The following DPYD variants were observed in gnomAD, a reference collection of about 807,000 sequenced individuals.
The protein encoded by DPYD is dihydropyrimidine dehydrogenase [NADP(+)].
In DPYD, 109 loss-of-function variants were observed where a neutral mutation model predicts 116.2. The ratio of observed to expected loss-of-function variants is 0.94; its 90% confidence interval spans 0.80 to 1.10. DPYD has a LOEUF of 1.10. Ranked by LOEUF, DPYD falls within the 50% of genes least tolerant of loss-of-function variation. The pLI is 0.00. For synonymous variants in DPYD, 440 were observed against 432.0 expected (o/e 1.02, Z -0.23); for missense variants, 1,302 against 1,254.5 (o/e 1.04, Z -0.57).
chr1:97,583,520 T>C (rs1653847378), intron 10 of DPYD, among the ~76,000 whole-genome samples: 2 of 152,132 alleles, frequency 1.3e-5, no homozygotes, highest in African/African-American at 4.8e-5. Context: ...CCTCCTTTAA[T>C]CTTAAAATGC....
At chr1:97,443,695 C>T (rs6666920) in intron 14 of DPYD, among the ~76,000 whole-genome samples, 146,662 of 152,368 alleles carry the variant, frequency 0.96, 70,855 homozygotes, top group East Asian at 1. Flanking sequence ...AATTATCTTG[C>T]ACTAGCCATT....
chr1:97,838,316 T>C (rs937807522), intron 2 of DPYD, among the ~76,000 whole-genome samples: 3 of 152,186 alleles, frequency 2.0e-5, no homozygotes, highest in Non-Finnish European at 2.9e-5. Context: ...ATAAACCATA[T>C]AAATCCAGAT....
chr1:97,454,825 A>G (rs779183628), intron 13 of DPYD, among the ~76,000 whole-genome samples: 22 of 151,940 alleles, frequency 1.4e-4, no homozygotes, highest in Non-Finnish European at 2.8e-4. Context: ...ATGAACACAA[A>G]AAGAAAACTT....
At chr1:97,334,715 T>A (rs1669196571) in intron 16 of DPYD, among the ~76,000 whole-genome samples, 1 of 152,182 alleles carries the variant, frequency 6.6e-6, no homozygotes, top group African/African-American at 2.4e-5. Context: ...GACCACATAG[T>A]AGGAGCTCAA....
At position 97,312,655 on chromosome 1, in the gene DPYD, C is replaced by A. The variant is rs182725887; in HGVS notation, c.2059-6358G>T. 2.4e-4 allele frequency among the ~76,000 whole-genome samples: 36 copies of A among 151,938 alleles called. 1 individual carries two copies. Among genetic ancestry groups the A allele is most frequent in the Middle Eastern group, 3.4e-3 (1 of 294 alleles). ...CAAAAGCAAGACACAGAATAACACA[C>A]AGATAGCCTAATCCTGTTTTTAAAA... On this transcript the variant is annotated intron_variant, in intron 16 of 22. Transcript: ENST00000370192.
chr1:97,264,107 T>C (rs1236722432), intron 18 of DPYD, among the ~76,000 whole-genome samples: 1 of 151,246 alleles, frequency 6.6e-6, no homozygotes. Context: ...TAGATTCTTT[T>C]GGTTACCTAC....
intron 8 of DPYD, among the ~76,000 whole-genome samples, chr1:97,620,225 A>T (rs888504618): frequency 7.9e-5 from 12 of 151,974 alleles, no homozygotes; most frequent in South Asian, 4.1e-4. Context: ...TTTAAAAAAA[A>T]TTTTTTTGAG....
At chr1:97,538,273 C>T (rs1013907776) in intron 12 of DPYD, among the ~76,000 whole-genome samples, 3 of 152,074 alleles carry the variant, frequency 2.0e-5, no homozygotes, top group Non-Finnish European at 4.4e-5. Flanking sequence ...AAACCAAAAC[C>T]ACAGCTACCA....
intron 20 of DPYD, among the ~76,000 whole-genome samples, chr1:97,130,646 T>TTCCTC (rs1401250583): frequency 2.6e-5 from 4 of 151,990 alleles, no homozygotes; most frequent in Admixed American, 2.0e-4. Flanking sequence ...TTCCTTTCCT[T>TTCCTC]TCCTCTCCTC....
intron 19 of DPYD, among the ~76,000 whole-genome samples, chr1:97,211,476 T>C (rs538692548): frequency 6.6e-6 from 1 of 152,280 alleles, no homozygotes; most frequent in Non-Finnish European, 1.5e-5. Flanking sequence ...GCTGAATGAA[T>C]AGAAATTATG....
chr1:97,447,472 G>A (rs1676152582), intron 14 of DPYD, among the ~76,000 whole-genome samples: 1 of 152,012 alleles, frequency 6.6e-6, no homozygotes. Context: ...CCATTTTAAT[G>A]GTATTTAAAA....
intron 7 of DPYD, among the ~76,000 whole-genome samples, chr1:97,685,395 G>T (rs1458158500): frequency 6.6e-6 from 1 of 152,066 alleles, no homozygotes; most frequent in Non-Finnish European, 1.5e-5. Context: ...CATACCAAAT[G>T]GGCAAAAGCT....
intron 8 of DPYD, among the ~76,000 whole-genome samples, chr1:97,636,155 C>G (rs1456755377): frequency 1.3e-5 from 2 of 152,200 alleles, no homozygotes; most frequent in East Asian, 3.9e-4. Context: ...AAAAAAATCA[C>G]TAAGCCAGGC....
intron 18 of DPYD, among the ~76,000 whole-genome samples, chr1:97,295,161 G>A (rs572055590): frequency 1.2e-4 from 19 of 152,220 alleles, no homozygotes; most frequent in African/African-American, 3.6e-4. Flanking sequence ...GAGTCTCTAA[G>A]TCTGCAGAAT....
intron 20 of DPYD, among the ~76,000 whole-genome samples, chr1:97,147,723 A>G (rs1486102983): frequency 6.6e-6 from 1 of 152,180 alleles, no homozygotes; most frequent in African/African-American, 2.4e-5. Context: ...AATCTTCTCA[A>G]TGTCCTCTAC....
intron 20 of DPYD, among the ~76,000 whole-genome samples, chr1:97,114,960 G>A (rs780893963): frequency 2.6e-5 from 4 of 152,062 alleles, no homozygotes; most frequent in Admixed American, 1.3e-4. Context: ...CCTTCTGATC[G>A]CATAGGATTT....
chr1:97,330,647 G>A (rs1378760918), intron 16 of DPYD, among the ~76,000 whole-genome samples: 1 of 152,170 alleles, frequency 6.6e-6, no homozygotes, highest in Non-Finnish European at 1.5e-5. Flanking sequence ...AAGGGATGAG[G>A]GGGTAGAGAG....
chr1:97,156,878 CAAT>C (rs1219143536), intron 20 of DPYD, among the ~76,000 whole-genome samples: 2 of 151,742 alleles, frequency 1.3e-5, no homozygotes, highest in African/African-American at 4.8e-5. Flanking sequence ...AAATGTCCAA[CAAT>C]GATAGACTGG....
chr1:97,829,923 A>G (rs1309446596), intron 2 of DPYD, among the ~76,000 whole-genome samples: 1 of 150,278 alleles, frequency 6.7e-6, no homozygotes, highest in Non-Finnish European at 1.5e-5. Context: ...GACAGGCTCC[A>G]GTGTGGGATG....
Sources: allele counts gnomAD v4.1 joint callset (sites outside exome capture counted in the v4.1 genomes callset), GRCh38; gene constraint gnomAD v4.1.1; transcripts MANE v1.5; gene names NCBI Gene and HGNC (gene_info 2026-07-23, HGNC 2026-07-21).